Variants in VPS13B observed in about 807,000 individuals in gnomAD.
VPS13B encodes intermembrane lipid transfer protein VPS13B.
In VPS13B, 285 loss-of-function variants were observed where a neutral mutation model predicts 426.4. The ratio of observed to expected loss-of-function variants is 0.67; its 90% CI spans 0.61 to 0.74. VPS13B has a LOEUF of 0.74. VPS13B is among the 30% of genes least tolerant of loss of function. VPS13B has a pLI of 0.00. For missense variants in VPS13B, 4,537 were observed against 4,782.6 expected (o/e 0.95, Z 1.51); for synonymous variants, 1,676 against 1,676.4 (o/e 1.00, Z 0.01).
At chr8:99,528,330 T>A (rs1822757964) in intron 30 of VPS13B, among the ~76,000 whole-genome samples, 1 of 152,084 alleles carries the variant, frequency 6.6e-6, no homozygotes, top group Non-Finnish European at 1.5e-5. Flanking sequence ...TTTGCATGCA[T>A]TCATTGATTA....
intron 30 of VPS13B, among the ~76,000 whole-genome samples, chr8:99,549,735 T>C (rs1824177022): frequency 6.6e-6 from 1 of 152,088 alleles, no homozygotes; most frequent in African/African-American, 2.4e-5. Context: ...CTCCATGCCT[T>C]ATACCATTGC....
chr8:99,063,111 G>A (rs187921422), intron 3 of VPS13B, among the ~76,000 whole-genome samples: 1 of 152,236 alleles, frequency 6.6e-6, no homozygotes, highest in Non-Finnish European at 1.5e-5. Context: ...TTCCAAGATG[G>A]CCCAGTAGGA....
At chr8:99,205,958 T>C (rs1445705339) in intron 17 of VPS13B, among the ~76,000 whole-genome samples, 1 of 152,214 alleles carries the variant, frequency 6.6e-6, no homozygotes, top group Non-Finnish European at 1.5e-5. Flanking sequence ...GGAAATTTAA[T>C]TAAAATAATA....
At chr8:99,017,228 A>G (rs1171415816) in intron 2 of VPS13B, among the ~76,000 whole-genome samples, 2 of 152,078 alleles carry the variant, frequency 1.3e-5, no homozygotes, top group African/African-American at 4.8e-5. Context: ...GTTGATCTAT[A>G]CCATTTGTTG....
intron 15 of VPS13B, among the ~76,000 whole-genome samples, chr8:99,165,546 A>C (rs575171775): frequency 1.7e-4 from 26 of 152,366 alleles, no homozygotes; most frequent in African/African-American, 4.6e-4. Context: ...GATCAGCTGC[A>C]ATACATACTT....
intron 17 of VPS13B, among the ~76,000 whole-genome samples, chr8:99,214,205 A>G (rs1167668500): frequency 6.6e-6 from 1 of 152,156 alleles, no homozygotes; most frequent in East Asian, 1.9e-4. Flanking sequence ...TTTTATTGGA[A>G]CACAATCATG....
chr8:99,837,376 T>C (rs1815451122), intron 54 of VPS13B, among the ~76,000 whole-genome samples: 1 of 152,174 alleles, frequency 6.6e-6, no homozygotes, highest in African/African-American at 2.4e-5. Context: ...GCTCCCAGTC[T>C]CATTAATTTA....
chr8:99,134,811 T>C (rs969856817), intron 9 of VPS13B, 84 bp downstream of exon 9: 1 of 1,250,748 alleles, frequency 8.0e-7, no homozygotes, highest in African/African-American at 1.5e-5. Context: ...AGATGTAGTG[T>C]ATTTAAAAAT....
chr8:99,088,191 A>G (rs551765309), intron 3 of VPS13B, among the ~76,000 whole-genome samples: 1 of 152,066 alleles, frequency 6.6e-6, no homozygotes, highest in South Asian at 2.1e-4. Context: ...CTCAAAAAAA[A>G]AAAAAAAAAA....
chr8:99,165,278 A>G (rs1811939211), intron 15 of VPS13B, among the ~76,000 whole-genome samples: 1 of 152,056 alleles, frequency 6.6e-6, no homozygotes, highest in Non-Finnish European at 1.5e-5. Context: ...TTTTAAATTT[A>G]TTTCTCCTAT....
intron 35 of VPS13B, among the ~76,000 whole-genome samples, chr8:99,680,070 ATTT>A (rs1206808143): frequency 6.6e-6 from 1 of 152,158 alleles, no homozygotes; most frequent in Admixed American, 6.6e-5. Context: ...TGTCTAAAAA[ATTT>A]TTTATCTTTT....
intron 19 of VPS13B, among the ~76,000 whole-genome samples, chr8:99,287,232 GTCTA>G (rs58719967): frequency 0.35 from 48,888 of 138,190 alleles, 8,551 homozygotes; most frequent in South Asian, 0.39. Context: ...CTATCTGTCT[GTCTA>G]TCTATCTATC....
intron 2 of VPS13B, among the ~76,000 whole-genome samples, chr8:99,018,256 C>T (rs545480270): frequency 3.3e-5 from 5 of 152,240 alleles, no homozygotes; most frequent in South Asian, 2.1e-4. Flanking sequence ...TGTGGTGGCT[C>T]ACGCCTGTAA....
chr8:99,602,844 G>T (rs1827380596), intron 33 of VPS13B, among the ~76,000 whole-genome samples: 1 of 152,116 alleles, frequency 6.6e-6, no homozygotes, highest in South Asian at 2.1e-4. Flanking sequence ...ACCTCTTCAA[G>T]GAGAACTACA....
At chr8:99,402,665 A>T (rs1815102449) in intron 21 of VPS13B, among the ~76,000 whole-genome samples, 1 of 152,214 alleles carries the variant, frequency 6.6e-6, no homozygotes, top group African/African-American at 2.4e-5. Context: ...AAGAAAAAAA[A>T]AAATCAATAG....
At chr8:99,802,597 C>T (rs1326942127) in intron 43 of VPS13B, among the ~76,000 whole-genome samples, 1 of 152,034 alleles carries the variant, frequency 6.6e-6, no homozygotes, top group African/African-American at 2.4e-5. Flanking sequence ...CTAAAATAAC[C>T]ACTGTTAGCA....
intron 3 of VPS13B, among the ~76,000 whole-genome samples, chr8:99,083,900 A>G (rs1257269877): frequency 6.8e-6 from 1 of 146,796 alleles, no homozygotes; most frequent in Non-Finnish European, 1.5e-5. Context: ...TTCATCAGGG[A>G]TATTGGTCTA....
intron 19 of VPS13B, among the ~76,000 whole-genome samples, chr8:99,306,301 T>C (rs1453870060): frequency 6.6e-6 from 1 of 152,018 alleles, no homozygotes; most frequent in Non-Finnish European, 1.5e-5. Flanking sequence ...AGACAGTAGG[T>C]AAAAGACATA....
intron 35 of VPS13B, chr8:99,697,747 A>G (rs1832093832): frequency 4.8e-6 from 3 of 626,444 alleles, no homozygotes; most frequent in South Asian, 4.6e-5. Flanking sequence ...GCGCGCCCGT[A>G]GGGGAGAACA....
Sources: gnomAD v4.1 joint callset for allele counts (sites outside exome capture counted in the v4.1 genomes callset) on GRCh38, gnomAD v4.1.1 for gene constraint, MANE v1.5 for transcripts, NCBI Gene and HGNC (gene_info 2026-07-23, HGNC 2026-07-21) for gene names.